Variants in SAMD11 observed in about 807,000 individuals in gnomAD.
SAMD11 encodes sterile alpha motif domain-containing protein 11.
SAMD11 carries 77 observed loss-of-function variants against 64.4 expected under a neutral mutation model. The observed-to-expected ratio is 1.20, with a 90% CI of 0.99 to 1.44. The LOEUF is 1.44. SAMD11 is among the 40% of genes most tolerant of loss of function. SAMD11 has a pLI of 0.00. For synonymous variants in SAMD11, 658 were observed against 421.9 expected (o/e 1.56, Z -6.86); for missense variants, 1,402 against 943.3 (o/e 1.49, Z -6.37).
intron 5 of SAMD11, among the ~76,000 whole-genome samples, chr1:938,078 ACTGG>A (rs1374244826): frequency 6.6e-6 from 1 of 152,136 alleles, no homozygotes; most frequent in African/African-American, 2.4e-5. Flanking sequence ...AGTCGGAGGC[ACTGG>A]CTGGCCTGGG....
At chr1:928,859 G>C (rs549619105) in intron 2 of SAMD11, among the ~76,000 whole-genome samples, 1 of 152,356 alleles carries the variant, frequency 6.6e-6, no homozygotes, top group Non-Finnish European at 1.5e-5. Flanking sequence ...CTGGCACTGG[G>C]GCTGTGCATT....
chr1:942,106 G>T (rs530956264), intron 8 of SAMD11, 30 bp from the exon 9 acceptor site: 3 of 670,410 alleles, frequency 4.5e-6, no homozygotes, highest in African/African-American at 3.8e-5. Context: ...GGGGCGGGGG[G>T]GACGCCGCTC....
At position 942,799 on chromosome 1, in the gene SAMD11, G is replaced by A. The variant is rs1641870101; in HGVS notation, c.1794G>A (p.Gly598=). 2 of 1,543,544 alleles carry A rather than the reference G, an allele frequency of 1.3e-6. No homozygotes were observed. Among genetic ancestry groups the A allele is most frequent in the Non-Finnish European group, 1.7e-6 (2 of 1,144,708 alleles). ...RDSARRAPRK[G]GPGPASARPS... is the part of the protein sequence containing the mutation. ...CTGCCCGGCGAGCCCCCCGGAAGGG[G>A]GGTCCCGGCCCTGCCTCAGCGCGGC... The change falls in exon 11 of 14, where the codon GGG becomes GGA. Residue 598 remains glycine (G), a synonymous_variant. Coordinates refer to ENST00000616016, the MANE Select transcript of SAMD11 (RefSeq NM_001385641.1).
chr1:943,679 C>T lies in SAMD11; in HGVS notation c.2179-19C>T, dbSNP rs1437140168. On this transcript the variant is annotated intron_variant, in intron 12 of 13. Transcript: ENST00000616016. ...GGAGCAGCACCCGGGTCCTGACCCT[C>T]CCTCCCTCCCCCTTCCAGGTCTTCA... 4 of 1,536,010 alleles carry T rather than the reference C, an allele frequency of 2.6e-6. No individual in the cohort carries two copies. Among genetic ancestry groups the T allele is most frequent in the Non-Finnish European group, 2.6e-6 (3 of 1,139,914 alleles).
chr1:937,048 C>T (rs1373538936), intron 5 of SAMD11, among the ~76,000 whole-genome samples: 5 of 152,120 alleles, frequency 3.3e-5, no homozygotes, highest in South Asian at 2.1e-4. Context: ...CGTGCACTTC[C>T]GGGCTCACAG....
chr1:943,686 T>G lies in SAMD11; in HGVS notation c.2179-12T>G. On this transcript the variant is annotated splice_polypyrimidine_tract_variant and intron_variant, in intron 12 of 13. Coordinates refer to ENST00000616016, the MANE Select transcript of SAMD11 (RefSeq NM_001385641.1). ...CACCCGGGTCCTGACCCTCCCTCCC[T>G]CCCCCTTCCAGGTCTTCAGGGAGCA... The G allele has an allele frequency of 9.6e-7, 1 of 1,037,398 alleles. No individual in the cohort carries two copies. The highest frequency in any genetic ancestry group is 1.4e-6 in the Non-Finnish European group (1 of 733,608). The allele number at this position is 1,037,398 out of a possible 1,614,324, so 64.3% of individuals were successfully genotyped here. A position where few individuals can be genotyped will look rare whatever the true frequency, so the allele number is the denominator to read the frequency against.
rs1240729311 is a variant in SAMD11, at chr1:943,637, C to T, written c.2179-61C>T. The T allele has an allele frequency of 5.5e-6, 8 of 1,452,732 alleles. No homozygotes were observed. The South Asian group carries it at 5.9e-5, about 11-fold the overall frequency. The allele number at this position is 1,452,732 out of a possible 1,614,324, so 90.0% of individuals were successfully genotyped here. A position where few individuals can be genotyped will look rare whatever the true frequency, so the allele number is the denominator to read the frequency against. On this transcript the variant is annotated intron_variant, in intron 12 of 13. Transcript: ENST00000616016. The stretch of plus-strand genomic sequence containing the variant: ...GCTGCACAAACAGCTCCTCTTGGCT[C>T]TGCTGGGCTGGAGGATGGAGCAGCA...
chr1:935,166 GC>G (rs1557604273), intron 4 of SAMD11, among the ~76,000 whole-genome samples: 1 of 152,168 alleles, frequency 6.6e-6, no homozygotes, highest in East Asian at 1.9e-4. Flanking sequence ...AGAGTTAAAT[GC>G]ATGTTGATTC....
At chr1:928,578 T>A (rs375346286) in intron 2 of SAMD11, among the ~76,000 whole-genome samples, 251 of 152,338 alleles carry the variant, frequency 1.6e-3, no homozygotes, top group African/African-American at 5.7e-3. Context: ...CAGACAGGCA[T>A]CATACCTTCG....
At chr1:943,399 TG>T (rs750430534) in intron 12 of SAMD11, 22 bp downstream of exon 12, 18 of 1,508,778 alleles carry the variant, frequency 1.2e-5, no homozygotes, top group Non-Finnish European at 1.6e-5. Flanking sequence ...CCCCAGTTCC[TG>T]GGGCGGGGCT....
rs1340830614 is a variant in SAMD11 at position 942,898 on chromosome 1, C to T, written c.1893C>T (p.Asp631=). The T allele has an allele frequency of 1.8e-5, 28 of 1,555,772 alleles. No individual in the cohort carries two copies. Among genetic ancestry groups the T allele is most frequent in the African/African-American group, 4.1e-5 (3 of 73,638 alleles). Residue 631 remains aspartate, a synonymous_variant, in exon 11 of 14, where the codon GAC becomes GAT. Transcript: ENST00000616016. The part of the protein sequence containing the change: ...QDGSEDEPPK[D]SDGEDPETAA... ...GCTCGGAAGACGAGCCCCCCAAAGA[C>T]TCGGACGGAGAGGACCCCGAGACGG...
Position 930,337 on chromosome 1 carries a change from G to T in SAMD11, c.791+1G>T, listed in dbSNP as rs375781587. ...CGCACATCCGTATCATGAAGAGAAG[G>T]TACTTGGACCAGGGCCGGACAGGAA... On this transcript the variant is annotated splice_donor_variant, in intron 3 of 13. Coordinates refer to ENST00000616016, the MANE Select transcript of SAMD11 (RefSeq NM_001385641.1). LOFTEE classifies it high-confidence loss of function. 6.2e-7 allele frequency: 1 copy of T among 1,600,270 alleles called. No homozygotes were observed. Among genetic ancestry groups the T allele is most frequent in the South Asian group, 1.1e-5 (1 of 88,648 alleles).
intron 4 of SAMD11, 64 bp downstream of exon 4, chr1:931,153 G>GC: frequency 1.5e-6 from 1 of 664,940 alleles, no homozygotes; most frequent in Non-Finnish European, 2.0e-6. Flanking sequence ...TCCCACCCCT[G>GC]ACCGTGCCCT....
intron 1 of SAMD11, among the ~76,000 whole-genome samples, chr1:925,478 G>A (rs1421846390): frequency 5.9e-5 from 9 of 152,082 alleles, no homozygotes; most frequent in Admixed American, 5.9e-4. Flanking sequence ...AGGGGGTGCG[G>A]TGAGCGCCAG....
chr1:926,806 A>G (rs74442310), intron 2 of SAMD11, among the ~76,000 whole-genome samples: 3,657 of 152,236 alleles, frequency 0.024, 148 homozygotes, highest in East Asian at 0.12. Flanking sequence ...TTTGGAGCCA[A>G]TTAGGGCCAT....
chr1:944,233 T>A lies in SAMD11; in HGVS notation c.*80T>A, dbSNP rs1381662775. On this transcript the variant is annotated 3_prime_UTR_variant, in exon 14 of 14. Coordinates refer to ENST00000616016, the MANE Select transcript of SAMD11 (RefSeq NM_001385641.1). Reference sequence around the variant, plus strand: ...ACAATGGCCCTGCCTCCCACCGCTTTATTTCTTTCGGTTTCGGATGCAAAA... The same window carrying A: ...ACAATGGCCCTGCCTCCCACCGCTTAATTTCTTTCGGTTTCGGATGCAAAA... 6.9e-7 allele frequency: 1 copy of A among 1,459,500 alleles called. No homozygotes were observed. Among genetic ancestry groups the A allele is most frequent in the African/African-American group, 1.4e-5 (1 of 69,846 alleles). The allele number at this position is 1,459,500 out of a possible 1,614,324, so 90.4% of individuals were successfully genotyped here.
rs866797541 is a variant in SAMD11 at position 934,045 on chromosome 1, G to T, written c.843-1727G>T. On this transcript the variant is annotated intron_variant, in intron 4 of 13. Transcript: ENST00000616016. ...TGCGTTACAGGTGGGCAGGGGAGGC[G>T]GCTGCGTTACAGGTGGGCAGGGGAG... Among the ~76,000 whole-genome samples, 44 of 76,086 alleles carry T rather than the reference G, an allele frequency of 5.8e-4. 3 individuals carry two copies. Among genetic ancestry groups the T allele is most frequent in the African/African-American group, 3.7e-3 (41 of 10,966 alleles). 49.9% of individuals were successfully genotyped at this position (76,086 alleles called of 152,430 possible).
intron 5 of SAMD11, among the ~76,000 whole-genome samples, chr1:937,811 G>A (rs1641539322): frequency 6.6e-6 from 1 of 152,348 alleles, no homozygotes; most frequent in Non-Finnish European, 1.5e-5. Context: ...GCCGGGCCAG[G>A]ATCAATAAGT....
At position 943,806 on chromosome 1, in the gene SAMD11, C is replaced by G; in HGVS notation, c.2287C>G (p.Gln763Glu). ...GGGGCCCGCCCTCAAGATCCGGGCC[C>G]AGGTGAGACGCTGGGGAGTGAGGTC... ...KLGPALKIRA[Q>E]VARRLGRVFY... is the part of the protein sequence containing the mutation. Residue 763 changes from glutamine (Q) to glutamate (E), a missense_variant and splice_region_variant, in exon 13 of 14, where the codon CAG becomes GAG. Transcript: ENST00000616016. 1 of 1,612,902 alleles carries G rather than the reference C, an allele frequency of 6.2e-7. No individual in the cohort carries two copies. The highest frequency in any genetic ancestry group is 8.5e-7 in the Non-Finnish European group (1 of 1,179,976).
Sources: gnomAD v4.1 joint callset for allele counts (sites outside exome capture counted in the v4.1 genomes callset) on GRCh38, gnomAD v4.1.1 for gene constraint, MANE v1.5 for transcripts, NCBI Gene and HGNC (gene_info 2026-07-23, HGNC 2026-07-21) for gene names.